C21orf58: variants seen among roughly 807,000 people sequenced by gnomAD.
C21orf58 encodes the protein uncharacterized protein C21orf58.
A neutral mutation model predicts 35.8 loss-of-function variants in C21orf58; 34 were observed. The ratio of observed to expected loss-of-function variants is 0.95; its 90% CI spans 0.72 to 1.26. The LOEUF (loss-of-function observed/expected upper bound fraction) is 1.26, where lower values mean the gene tolerates loss of function less well. C21orf58 is among the 50% of genes most tolerant of loss of function. The probability of loss-of-function intolerance (pLI) is 0.00; values close to 1 mark genes in which losing one functional copy is unlikely to be tolerated. For synonymous variants in C21orf58, 191 were observed against 175.8 expected, an observed-to-expected ratio of 1.09 and a Z score of -0.68; for missense variants, 440 against 414.3, an observed-to-expected ratio of 1.06 and a Z score of -0.54.
At chr21:46,317,073 G>T (rs748098326) in intron 3 of C21orf58, 135 bp downstream of exon 3, 4 of 702,158 alleles carry the variant, frequency 5.7e-6, no homozygotes, top group African/African-American at 1.8e-5. Flanking sequence ...AAGCGTTGAG[G>T]ACAATCTCGC....
At chr21:46,318,320 T>G in intron 1 of C21orf58, 100 bp from the exon 2 acceptor site, 4 of 1,530,410 alleles carry the variant, frequency 2.6e-6, no homozygotes, top group Non-Finnish European at 3.5e-6. Flanking sequence ...GTTGCCAGGC[T>G]GCCAGACACA....
At chr21:46,318,299 G>A (rs56083834) in intron 1 of C21orf58, 79 bp from the exon 2 acceptor site, 126,658 of 1,570,444 alleles carry the variant, frequency 0.081, 5,714 homozygotes, top group Non-Finnish European at 0.095. Flanking sequence ...AGCGCTGGGC[G>A]CCGCGTGACA....
chr21:46,317,149 CT>C, intron 3 of C21orf58, 58 bp downstream of exon 3: 1 of 1,541,334 alleles, frequency 6.5e-7, no homozygotes, highest in Non-Finnish European at 8.8e-7. Flanking sequence ...GTGGCTCCCC[CT>C]GGAGTGGCTA....
intron 6 of C21orf58, among the ~76,000 whole-genome samples, chr21:46,303,785 T>A (rs2082285616): frequency 7.8e-6 from 1 of 128,154 alleles, no homozygotes; most frequent in African/African-American, 3.0e-5. Context: ...AGAGTCTTGC[T>A]CTGTCGCCGA....
intron 1 of C21orf58, chr21:46,318,813 T>A: frequency 1.0e-6 from 1 of 986,518 alleles, no homozygotes; most frequent in Non-Finnish European, 1.2e-6. Flanking sequence ...GGGCAGGGAG[T>A]CAAGTTTGCA....
Position 46,301,413 on chromosome 21 carries a change from C to G in C21orf58, c.*586G>C. ...CCTCCTGCCTCAGCCTCTTAAAGTG[C>G]TGGGATTACAGGCATGAGCCATGCA... On this transcript the variant is annotated 3_prime_UTR_variant, in exon 8 of 8. Coordinates refer to ENST00000291691, the MANE Select transcript of C21orf58 (RefSeq NM_058180.5). 1.1e-6 allele frequency: 1 copy of G among 940,000 alleles called. No individual in the cohort carries two copies. The highest frequency in any genetic ancestry group is 1.3e-6 in the Non-Finnish European group (1 of 788,472). 58.2% of individuals were successfully genotyped at this position (940,000 alleles called of 1,614,324 possible).
rs1266690347 is a variant in C21orf58 at position 46,317,494 on chromosome 21, G to T, written c.310-226C>A. 4.2e-6 allele frequency: 3 copies of T among 705,988 alleles called. No individual in the cohort carries two copies. In the African/African-American group the frequency reaches 5.4e-5, roughly 13 times the overall value. The allele number at this position is 705,988 out of a possible 1,614,324, so 43.7% of individuals were successfully genotyped here. On this transcript the variant is annotated intron_variant, in intron 2 of 7. Coordinates refer to ENST00000291691, the MANE Select transcript of C21orf58 (RefSeq NM_058180.5). ...ATGTGTTCCATCCACAAGTCTAGGG[G>T]CGGATGCTCTGAGTGGTCCCTTCAG...
chr21:46,305,587 C>T (rs1023108554), intron 6 of C21orf58, among the ~76,000 whole-genome samples: 1 of 152,054 alleles, frequency 6.6e-6, no homozygotes, highest in Non-Finnish European at 1.5e-5. Flanking sequence ...ATATCAGTCT[C>T]CCAAAGTGCT....
At chr21:46,313,558 T>C (rs2082834933) in intron 5 of C21orf58, among the ~76,000 whole-genome samples, 1 of 152,204 alleles carries the variant, frequency 6.6e-6, no homozygotes, top group South Asian at 2.1e-4. Flanking sequence ...TAACTGGCCC[T>C]GATGGATACA....
At chr21:46,307,318 A>G (rs183404387) in intron 6 of C21orf58, among the ~76,000 whole-genome samples, 94 of 152,234 alleles carry the variant, frequency 6.2e-4, no homozygotes, top group African/African-American at 2.2e-3. Flanking sequence ...GCCGTTAACC[A>G]CTGATTTTAA....
At chr21:46,318,762 G>A (rs1276084244) in intron 1 of C21orf58, 6 of 992,056 alleles carry the variant, frequency 6.0e-6, no homozygotes, top group African/African-American at 1.7e-5. Context: ...GACCAGAGGG[G>A]GTGCCCAGGG....
intron 6 of C21orf58, among the ~76,000 whole-genome samples, chr21:46,305,239 G>C (rs566349963): frequency 2.0e-5 from 3 of 151,372 alleles, no homozygotes; most frequent in African/African-American, 7.3e-5. Flanking sequence ...GCACAGCAGT[G>C]ACTACAGTTA....
intron 5 of C21orf58, among the ~76,000 whole-genome samples, chr21:46,313,330 G>A (rs1458538378): frequency 6.6e-6 from 1 of 152,222 alleles, no homozygotes; most frequent in Admixed American, 6.5e-5. Context: ...CAGGTTGTGT[G>A]AGAATAGGAG....
In C21orf58 at chr21:46,302,588, A is replaced by G; in HGVS notation, c.722-12T>C. The G allele has an allele frequency of 6.2e-7, 1 of 1,602,670 alleles. No individual in the cohort carries two copies. Among genetic ancestry groups the G allele is most frequent in the South Asian group, 1.1e-5 (1 of 89,640 alleles). ...CAGCTCCACCATGTCTGCAGGGAAG[A>G]AGCAGGGGGACCCTGAATAAAGTTT... is the stretch of plus-strand genomic sequence containing the variant. On this transcript the variant is annotated splice_polypyrimidine_tract_variant and intron_variant, in intron 6 of 7. Transcript: ENST00000291691.
chr21:46,311,962 C>T (rs189084887), intron 5 of C21orf58, among the ~76,000 whole-genome samples: 2 of 55,820 alleles, frequency 3.6e-5, no homozygotes, highest in Non-Finnish European at 3.5e-5. Context: ...CATCCATCCA[C>T]CCACCCACCC....
intron 2 of C21orf58, 186 bp from the exon 3 acceptor site, chr21:46,317,454 A>C: frequency 1.1e-6 from 1 of 922,706 alleles, no homozygotes; most frequent in East Asian, 2.6e-5. Context: ...TGTAAGCCTG[A>C]CCTCTAGCAA....
intron 1 of C21orf58, chr21:46,319,176 C>T (rs1230527846): frequency 1.3e-5 from 2 of 152,490 alleles, no homozygotes; most frequent in East Asian, 1.9e-4. Flanking sequence ...CTGGCTAGCC[C>T]GTAGGAGGTC....
At position 46,317,853 on chromosome 21, in the gene C21orf58, T is replaced by C. The variant is rs536231228; in HGVS notation, c.309+159A>G. On this transcript the variant is annotated intron_variant, in intron 2 of 7. Coordinates refer to ENST00000291691, the MANE Select transcript of C21orf58 (RefSeq NM_058180.5). ...ATGGGCCACCCAGACCCTCAGAGAATGTGAAGACTAAGTCTGAGGATGGGT... is the reference window on the plus strand; with the variant it reads ...ATGGGCCACCCAGACCCTCAGAGAACGTGAAGACTAAGTCTGAGGATGGGT... 1.2e-3 allele frequency among the ~76,000 whole-genome samples: 189 copies of C among 152,256 alleles called. 1 individual carries two copies. Among genetic ancestry groups the C allele is most frequent in the African/African-American group, 4.2e-3 (176 of 41,566 alleles).
intron 6 of C21orf58, among the ~76,000 whole-genome samples, chr21:46,303,742 TA>T (rs1569116700): frequency 9.9e-4 from 19 of 19,158 alleles, no homozygotes; most frequent in African/African-American, 2.5e-3. Context: ...TATATATATA[TA>T]TATTTTTTTT....
Sources: gnomAD v4.1 joint callset for allele counts (sites outside exome capture counted in the v4.1 genomes callset) on GRCh38, gnomAD v4.1.1 for gene constraint, MANE v1.5 for transcripts, NCBI Gene and HGNC (gene_info 2026-07-23, HGNC 2026-07-21) for gene names.